Variants in SYTL2 observed in about 807,000 individuals in gnomAD.
The protein encoded by SYTL2 is synaptotagmin-like protein 2.
Under a neutral mutation model 198.7 loss-of-function variants are expected in SYTL2, and 165 were observed. That is an observed-to-expected ratio of 0.83 (90% confidence interval 0.73 to 0.94). SYTL2 has a LOEUF of 0.94. Ranked by LOEUF, SYTL2 falls within the 40% of genes least tolerant of loss-of-function variation. The pLI is 0.00. For synonymous variants in SYTL2, 966 were observed against 917.7 expected (o/e 1.05, Z -0.95); for missense variants, 2,835 against 2,582.8 (o/e 1.10, Z -2.12).
intron 1 of SYTL2, among the ~76,000 whole-genome samples, chr11:85,775,124 G>A (rs1418361733): frequency 6.6e-6 from 1 of 152,150 alleles, no homozygotes; most frequent in African/African-American, 2.4e-5. Flanking sequence ...CCAGTGCAAA[G>A]CCTTTTTAGA....
intron 4 of SYTL2, among the ~76,000 whole-genome samples, chr11:85,738,413 C>T (rs1301677615): frequency 6.6e-6 from 1 of 151,892 alleles, no homozygotes; most frequent in Admixed American, 6.6e-5. Flanking sequence ...AGCCTGATTA[C>T]ATAGAGGCGA....
intron 2 of SYTL2, among the ~76,000 whole-genome samples, chr11:85,754,575 T>C (rs751466010): frequency 3.3e-5 from 5 of 152,234 alleles, no homozygotes; most frequent in Non-Finnish European, 5.9e-5. Context: ...ATACATAACA[T>C]ATAGTCATCA....
the SYTL2 span, among the ~76,000 whole-genome samples, chr11:85,822,262 T>C: frequency 2.0e-5 from 3 of 152,170 alleles, no homozygotes; most frequent in African/African-American, 4.8e-5. Flanking sequence ...CTCCTAGTCA[T>C]GGGGTCTGGA....
chr11:85,722,241 T>A (rs1027164321), intron 8 of SYTL2, among the ~76,000 whole-genome samples: 1 of 143,776 alleles, frequency 7.0e-6, no homozygotes, highest in Non-Finnish European at 1.5e-5. Context: ...TGCAGTGGCG[T>A]GATCTCGACT....
At chr11:85,704,719 CCTTT>C in intron 16 of SYTL2, 135 bp downstream of exon 16, 3 of 597,016 alleles carry the variant, frequency 5.0e-6, no homozygotes, top group Non-Finnish European at 2.8e-6. Context: ...ACCTTTTTTA[CCTTT>C]CTTTTTTTTC....
At chr11:85,782,666 C>T (rs2092579882) in intron 1 of SYTL2, among the ~76,000 whole-genome samples, 1 of 152,220 alleles carries the variant, frequency 6.6e-6, no homozygotes, top group Non-Finnish European at 1.5e-5. Flanking sequence ...TAACAGCATT[C>T]AGGTCACATC....
At chr11:85,708,956 A>T (rs1313326941) in intron 14 of SYTL2, among the ~76,000 whole-genome samples, 2 of 142,042 alleles carry the variant, frequency 1.4e-5, no homozygotes, top group East Asian at 4.2e-4. Flanking sequence ...CTCCTGCCTC[A>T]GCCTCCCGAG....
chr11:85,695,260 G>C lies in SYTL2; in HGVS notation c.6655C>G (p.Pro2219Ala). 1 of 1,612,700 alleles carries C rather than the reference G, an allele frequency of 6.2e-7. No individual in the cohort carries two copies. Among genetic ancestry groups the C allele is most frequent in the South Asian group, 1.1e-5 (1 of 90,992 alleles). Residue 2219 changes from proline (P) to alanine (A), a missense_variant, in exon 20 of 20, where the codon CCC becomes GCC. Physicochemically the swap from Pro to Ala is conservative, Grantham distance 27. Coordinates refer to ENST00000359152, the MANE Select transcript of SYTL2 (RefSeq NM_206927.4). The stretch of plus-strand genomic sequence containing the variant: ...AGTGTTGCTTCAATCCAAGTATTGG[G>C]GGAGTTTACCATCTTCTCCCAGAGA... The part of the protein sequence containing the change: ...VALWEKMVNS[P>A]NTWIEATLPL...
the SYTL2 span, chr11:85,854,589 A>G: frequency 6.6e-6 from 1 of 152,262 alleles, no homozygotes; most frequent in Non-Finnish European, 1.5e-5. Flanking sequence ...GGGACCTGCC[A>G]TTCTTATTAA....
At position 85,727,331 on chromosome 11, in the gene SYTL2, T is replaced by G. The variant is rs1383705270; in HGVS notation, c.2027A>C (p.Glu676Ala). 49 of 1,535,862 alleles carry G rather than the reference T, an allele frequency of 3.2e-5. No homozygotes were observed. Among genetic ancestry groups the G allele is most frequent in the Non-Finnish European group, 3.7e-5 (43 of 1,146,878 alleles). ...NSNYSYSVLK[E>A]SDAENQVPCN... ...TGGAACTTGGTTTTCTGCATCAGAT[T>G]CCTTGAGAACACTGTAGGAATAGTT... The change falls in exon 8 of 20, where the codon GAA (glutamate) becomes GCA (alanine). Residue 676 changes from glutamate to alanine, a missense_variant. Glu to Ala is a moderately radical substitution (Grantham distance 107, BLOSUM62 -1). Transcript: ENST00000359152.
chr11:85,809,401 C>G (rs950387027), intron 1 of SYTL2, among the ~76,000 whole-genome samples: 1 of 152,182 alleles, frequency 6.6e-6, no homozygotes. Flanking sequence ...TCCAGAATAA[C>G]GGAAACTCCT....
At chr11:85,748,597 C>T (rs1306284320) in intron 2 of SYTL2, among the ~76,000 whole-genome samples, 174 bp from the exon 3 acceptor site, 4 of 152,220 alleles carry the variant, frequency 2.6e-5, no homozygotes, top group Admixed American at 2.6e-4. Flanking sequence ...TTTGAAAAGT[C>T]AGAGAAGACA....
At chr11:85,767,083 C>G (rs1309286599) in intron 1 of SYTL2, among the ~76,000 whole-genome samples, 1 of 9,224 alleles carries the variant, frequency 1.1e-4, no homozygotes, top group Non-Finnish European at 2.1e-4. Flanking sequence ...CAGCAATTAG[C>G]AAAGTTAAAC....
chr11:85,735,660 G>A (rs1330401342), intron 6 of SYTL2, among the ~76,000 whole-genome samples: 1 of 152,106 alleles, frequency 6.6e-6, no homozygotes, highest in Non-Finnish European at 1.5e-5. Flanking sequence ...AGAAGGCTGA[G>A]GCACTAGAAG....
the SYTL2 span, among the ~76,000 whole-genome samples, chr11:85,832,123 C>A: frequency 6.6e-6 from 1 of 152,076 alleles, no homozygotes; most frequent in Admixed American, 6.6e-5. Flanking sequence ...AACTGGTTGG[C>A]ACAACTCTGC....
intron 1 of SYTL2, among the ~76,000 whole-genome samples, chr11:85,766,362 C>T (rs1164420542): frequency 6.6e-6 from 1 of 152,176 alleles, no homozygotes; most frequent in Non-Finnish European, 1.5e-5. Context: ...GCTGAAAGTT[C>T]ATTTTAAACT....
the SYTL2 span, among the ~76,000 whole-genome samples, chr11:85,839,790 G>C: frequency 6.6e-6 from 1 of 152,108 alleles, no homozygotes; most frequent in South Asian, 2.1e-4. Flanking sequence ...TTTCTTTTGA[G>C]TATATACCCA....
chr11:85,773,848 G>A (rs1291899982), intron 1 of SYTL2, among the ~76,000 whole-genome samples: 1 of 152,098 alleles, frequency 6.6e-6, no homozygotes, highest in Admixed American at 6.5e-5. Flanking sequence ...TGTAATCTTT[G>A]CAGAGCTGAA....
chr11:85,849,136 A>C, the SYTL2 span, among the ~76,000 whole-genome samples: 3 of 152,222 alleles, frequency 2.0e-5, no homozygotes, highest in Admixed American at 2.0e-4. Flanking sequence ...TCTTCCTCTT[A>C]AGAGAATATT....
Sources: gnomAD v4.1 joint callset for allele counts (sites outside exome capture counted in the v4.1 genomes callset) on GRCh38, gnomAD v4.1.1 for gene constraint, MANE v1.5 for transcripts, NCBI Gene and HGNC (gene_info 2026-07-23, HGNC 2026-07-21) for gene names.